The following RXFP1 variants were observed in gnomAD, a reference collection of about 807,000 sequenced individuals.
RXFP1 encodes relaxin receptor 1.
A neutral mutation model predicts 89.8 loss-of-function variants in RXFP1; 73 were observed. The ratio of observed to expected loss-of-function variants is 0.81; its 90% CI spans 0.67 to 0.99. RXFP1 has a LOEUF of 0.99. RXFP1 is among the 50% of genes least tolerant of loss of function. The pLI, the probability that RXFP1 is intolerant of heterozygous loss-of-function variation, is 0.00. For synonymous variants in RXFP1, 277 were observed against 305.5 expected (o/e 0.91, Z 0.97); for missense variants, 793 against 895.5 (o/e 0.89, Z 1.46).
At chr4:158,598,275 G>A (rs1579943194) in intron 3 of RXFP1, among the ~76,000 whole-genome samples, 2 of 152,176 alleles carry the variant, frequency 1.3e-5, no homozygotes, top group South Asian at 4.1e-4. Context: ...ATAAAACATT[G>A]TATTTATGGC....
At chr4:158,568,732 A>G (rs949930164) in intron 1 of RXFP1, among the ~76,000 whole-genome samples, 3 of 152,210 alleles carry the variant, frequency 2.0e-5, no homozygotes, top group Non-Finnish European at 2.9e-5. Flanking sequence ...TCATCAAACT[A>G]TGTGCTCTGA....
chr4:158,607,188 A>G, intron 5 of RXFP1: 1 of 1,231,964 alleles, frequency 8.1e-7, no homozygotes, highest in Non-Finnish European at 1.1e-6. Flanking sequence ...AATAGCGTAT[A>G]CTCTGGTACC....
chr4:158,604,803 A>G (rs886177751), intron 4 of RXFP1, among the ~76,000 whole-genome samples: 7 of 152,194 alleles, frequency 4.6e-5, no homozygotes, highest in African/African-American at 1.7e-4. Context: ...ATAACTGAAA[A>G]TCAATTTTTT....
intron 1 of RXFP1, among the ~76,000 whole-genome samples, chr4:158,544,817 T>C (rs1379258283): frequency 6.6e-6 from 1 of 152,236 alleles, no homozygotes; most frequent in Admixed American, 6.5e-5. Flanking sequence ...ATGGTGTATA[T>C]GTGCCACATT....
chr4:158,531,670 T>C (rs1744077630), intron 1 of RXFP1, among the ~76,000 whole-genome samples: 1 of 152,192 alleles, frequency 6.6e-6, no homozygotes, highest in Admixed American at 6.5e-5. Flanking sequence ...ACTTTAAATC[T>C]TATGCCATCA....
intron 1 of RXFP1, among the ~76,000 whole-genome samples, chr4:158,523,074 C>T (rs949632941): frequency 1.3e-5 from 2 of 152,138 alleles, no homozygotes; most frequent in Admixed American, 1.3e-4. Flanking sequence ...ATTCAGAATC[C>T]TGGGGAAATA....
chr4:158,613,028 AT>A (rs1392106080), intron 8 of RXFP1, among the ~76,000 whole-genome samples: 1 of 152,186 alleles, frequency 6.6e-6, no homozygotes, highest in Non-Finnish European at 1.5e-5. Context: ...AGTCACACAA[AT>A]TTTTTTGGTT....
Position 158,615,482 on chromosome 4 carries a change from G to A in RXFP1, c.681-1649G>A, listed in dbSNP as rs191999387. The stretch of plus-strand genomic sequence containing the variant: ...ACCTGGGAGGTGGAGGTTGCAGTGA[G>A]CCGAGATTGCACCATTGCACTCCAG... On this transcript the variant is annotated intron_variant, in intron 8 of 17. Transcript: ENST00000307765. Among the ~76,000 whole-genome samples, 12 of 151,986 alleles carry A rather than the reference G, an allele frequency of 7.9e-5. No individual in the cohort carries two copies. The East Asian group carries it at 2.1e-3, about 27-fold the overall frequency.
In RXFP1 at chr4:158,616,942, T is replaced by C. The variant is rs1473775363; in HGVS notation, c.681-189T>C. ...TGAACCTGGGAGGCAGAGGTTTCCA[T>C]GAGCTGAGATCGTGTCACACCACTC... On this transcript the variant is annotated intron_variant, in intron 8 of 17. Coordinates refer to ENST00000307765, the MANE Select transcript of RXFP1 (RefSeq NM_021634.4). Among the ~76,000 whole-genome samples the C allele has an allele frequency of 2.7e-5, 4 of 149,162 alleles. No homozygotes were observed. In the Admixed American group the frequency reaches 2.7e-4, roughly 10 times the overall value.
intron 2 of RXFP1, among the ~76,000 whole-genome samples, chr4:158,581,014 T>G (rs1322063348): frequency 6.6e-6 from 1 of 152,094 alleles, no homozygotes; most frequent in South Asian, 2.1e-4. Flanking sequence ...GCTCTCGAAC[T>G]CCTGACCTCA....
At chr4:158,547,262 G>C (rs866203701) in intron 1 of RXFP1, among the ~76,000 whole-genome samples, 12 of 152,032 alleles carry the variant, frequency 7.9e-5, no homozygotes, top group Admixed American at 5.2e-4. Context: ...ATTCTCTGAT[G>C]GTAGTTTGTA....
chr4:158,627,082 TTAAG>T (rs776648475), intron 10 of RXFP1, among the ~76,000 whole-genome samples, 191 bp downstream of exon 10: 1 of 150,004 alleles, frequency 6.7e-6, no homozygotes, highest in African/African-American at 2.5e-5. Flanking sequence ...ATGGTATAAA[TTAAG>T]TTTTTCTTTA....
At chr4:158,524,609 T>TTGTGCCAA (rs1458729467) in intron 1 of RXFP1, among the ~76,000 whole-genome samples, 1 of 152,242 alleles carries the variant, frequency 6.6e-6, no homozygotes. Flanking sequence ...GTCTAATTAA[T>TTGTGCCAA]TGTATTGTGC....
chr4:158,613,266 G>A (rs1264065941), intron 8 of RXFP1, among the ~76,000 whole-genome samples: 1 of 152,094 alleles, frequency 6.6e-6, no homozygotes, highest in East Asian at 1.9e-4. Flanking sequence ...CTGAAGCCTG[G>A]GGTGGCTGTG....
chr4:158,585,855 G>A (rs1758208759), intron 2 of RXFP1, among the ~76,000 whole-genome samples: 1 of 152,130 alleles, frequency 6.6e-6, no homozygotes, highest in East Asian at 1.9e-4. Context: ...TTAAGTTGGG[G>A]ACCACCCACA....
intron 1 of RXFP1, among the ~76,000 whole-genome samples, chr4:158,542,931 G>A (rs550711752): frequency 6.6e-6 from 1 of 152,246 alleles, no homozygotes; most frequent in South Asian, 2.1e-4. Context: ...CAGTAAGAGG[G>A]GAACTACAGA....
chr4:158,549,863 G>A (rs182560417), intron 1 of RXFP1, among the ~76,000 whole-genome samples: 5,604 of 152,136 alleles, frequency 0.037, 341 homozygotes, highest in African/African-American at 0.13. Flanking sequence ...TGCCCCTACT[G>A]GGGGGGTGCC....
intron 16 of RXFP1, 74 bp from the exon 17 acceptor site, chr4:158,648,425 A>G (rs750432749): frequency 1.1e-5 from 10 of 873,268 alleles, no homozygotes; most frequent in Non-Finnish European, 1.4e-5. Flanking sequence ...AATAATAAAA[A>G]TGTTTTATTT....
chr4:158,605,148 A>G lies in RXFP1; in HGVS notation c.464+9A>G. 1 of 1,546,626 alleles carries G rather than the reference A, an allele frequency of 6.5e-7. No homozygotes were observed. Reference sequence around the variant, plus strand: ...CATGATCTTCAGAAGCTGTAAGAAAATACTTAATTCCTGGTATTACAATTA... The same window carrying G: ...CATGATCTTCAGAAGCTGTAAGAAAGTACTTAATTCCTGGTATTACAATTA... On this transcript the variant is annotated intron_variant, in intron 5 of 17. Transcript: ENST00000307765.
Sources: gnomAD v4.1 joint callset for allele counts (sites outside exome capture counted in the v4.1 genomes callset) on GRCh38, gnomAD v4.1.1 for gene constraint, MANE v1.5 for transcripts, NCBI Gene and HGNC (gene_info 2026-07-23, HGNC 2026-07-21) for gene names.